The following ADGRV1 variants were observed in gnomAD, a reference collection of about 807,000 sequenced individuals.
ADGRV1 encodes the protein adhesion G protein-coupled receptor V1, also known as G-protein coupled receptor 98.
ADGRV1 carries 359 observed loss-of-function variants against 596.2 expected under a neutral mutation model. The observed-to-expected ratio is 0.60, with a 90% CI of 0.55 to 0.66. The LOEUF is 0.66. Among genes scored for constraint, ADGRV1 ranks in the 30% least tolerant of loss-of-function variants. The pLI is 0.00. For missense variants in ADGRV1, 7,274 were observed against 7,575.6 expected, an observed-to-expected ratio of 0.96 and a Z score of 1.48; for synonymous variants, 2,681 against 2,679.2, an observed-to-expected ratio of 1.00 and a Z score of -0.02.
chr5:91,059,519 G>T (rs1226653048), intron 85 of ADGRV1, among the ~76,000 whole-genome samples: 1 of 152,148 alleles, frequency 6.6e-6, no homozygotes, highest in East Asian at 1.9e-4. Context: ...GAGCTCTCTT[G>T]ACATCTGTCT....
chr5:90,745,516 G>A (rs770673464), intron 51 of ADGRV1, 75 bp from the exon 52 acceptor site: 1 of 982,446 alleles, frequency 1.0e-6, no homozygotes, highest in Non-Finnish European at 1.5e-6. Flanking sequence ...ATCAATTAAT[G>A]TAATGAGTAG....
chr5:90,850,596 A>C (rs931133868), intron 79 of ADGRV1: 1 of 152,126 alleles, frequency 6.6e-6, no homozygotes, highest in South Asian at 2.1e-4. Flanking sequence ...ACTATGTTCA[A>C]CTATTTTGTT....
chr5:90,901,682 CA>C (rs1406795488), intron 83 of ADGRV1, among the ~76,000 whole-genome samples: 1 of 152,044 alleles, frequency 6.6e-6, no homozygotes, highest in Non-Finnish European at 1.5e-5. Flanking sequence ...ATGACTGTGA[CA>C]TATGTATTTA....
intron 83 of ADGRV1, among the ~76,000 whole-genome samples, chr5:90,956,401 T>A (rs1429249407): frequency 6.6e-6 from 1 of 152,178 alleles, no homozygotes; most frequent in African/African-American, 2.4e-5. Context: ...ATTTTCTGAG[T>A]AACGACTCAG....
chr5:90,711,469 C>A, intron 41 of ADGRV1, 147 bp downstream of exon 41: 1 of 569,646 alleles, frequency 1.8e-6, no homozygotes, highest in Non-Finnish European at 2.9e-6. Context: ...CAGAAGATTT[C>A]CTCATGGTAA....
At chr5:90,732,361 T>C (rs140333788) in intron 50 of ADGRV1, among the ~76,000 whole-genome samples, 74 of 152,260 alleles carry the variant, frequency 4.9e-4, no homozygotes, top group African/African-American at 1.8e-3. Flanking sequence ...ATTGTTTATA[T>C]TTAAGATATA....
At chr5:90,671,369 C>T (rs1210059524) in intron 21 of ADGRV1, among the ~76,000 whole-genome samples, 1 of 152,222 alleles carries the variant, frequency 6.6e-6, no homozygotes, top group African/African-American at 2.4e-5. Flanking sequence ...AACTGAGGGC[C>T]CCACTGACCT....
At chr5:91,055,744 C>A (rs1219716927) in intron 85 of ADGRV1, among the ~76,000 whole-genome samples, 1 of 152,200 alleles carries the variant, frequency 6.6e-6, no homozygotes, top group Non-Finnish European at 1.5e-5. Context: ...CACACATAAT[C>A]CAACCCAGTG....
At chr5:90,947,699 G>A (rs767402056) in intron 83 of ADGRV1, among the ~76,000 whole-genome samples, 1 of 152,052 alleles carries the variant, frequency 6.6e-6, no homozygotes, top group Non-Finnish European at 1.5e-5. Context: ...GGTGAGGAAG[G>A]TCAGTACAGG....
chr5:90,996,468 A>C (rs559390278), intron 85 of ADGRV1, among the ~76,000 whole-genome samples: 1 of 152,210 alleles, frequency 6.6e-6, no homozygotes, highest in Non-Finnish European at 1.5e-5. Flanking sequence ...GGAGACTCCA[A>C]CTAGATTTCA....
At chr5:90,596,806 G>A (rs1226395936) in intron 1 of ADGRV1, among the ~76,000 whole-genome samples, 2 of 151,976 alleles carry the variant, frequency 1.3e-5, no homozygotes, top group African/African-American at 2.4e-5. Context: ...GAGACCATGG[G>A]GAGAGGGCGA....
intron 83 of ADGRV1, among the ~76,000 whole-genome samples, chr5:90,890,519 A>C (rs1413563984): frequency 6.6e-6 from 1 of 152,180 alleles, no homozygotes; most frequent in Non-Finnish European, 1.5e-5. Flanking sequence ...CTGTTAAATG[A>C]AGCATATTTC....
intron 1 of ADGRV1, among the ~76,000 whole-genome samples, chr5:90,563,225 GT>G (rs1455476900): frequency 6.6e-6 from 1 of 152,262 alleles, no homozygotes; most frequent in Admixed American, 6.5e-5. Context: ...TCTGTCTTCA[GT>G]TTTGCTGAAA....
intron 1 of ADGRV1, among the ~76,000 whole-genome samples, chr5:90,559,544 G>A (rs1754537565): frequency 6.6e-6 from 1 of 151,980 alleles, no homozygotes; most frequent in Non-Finnish European, 1.5e-5. Context: ...TTAAAATCAA[G>A]AAATTATAGC....
chr5:90,750,712 A>G lies in ADGRV1; in HGVS notation c.11121+15A>G, dbSNP rs372359544. On this transcript the variant is annotated intron_variant, in intron 53 of 89. Coordinates refer to ENST00000405460, the MANE Select transcript of ADGRV1 (RefSeq NM_032119.4). ...CCTCAGGAGTGGTATGTAATTTACAAAGTTATAGGAAACACTTTTAAATTA... is the reference window on the plus strand; with the variant it reads ...CCTCAGGAGTGGTATGTAATTTACAGAGTTATAGGAAACACTTTTAAATTA... 2 of 1,600,254 alleles carry G rather than the reference A, an allele frequency of 1.2e-6. No individual in the cohort carries two copies. The highest frequency in any genetic ancestry group is 1.7e-6 in the Non-Finnish European group (2 of 1,168,844).
chr5:91,127,473 G>A (rs185315767), intron 87 of ADGRV1, among the ~76,000 whole-genome samples: 1 of 150,896 alleles, frequency 6.6e-6, no homozygotes, highest in Admixed American at 6.6e-5. Flanking sequence ...AGTAATTCAA[G>A]GCTACAGTTA....
chr5:90,614,163 A>G lies in ADGRV1; in HGVS notation c.23-672A>G. On this transcript the variant is annotated intron_variant, in intron 1 of 89. Coordinates refer to ENST00000405460, the MANE Select transcript of ADGRV1 (RefSeq NM_032119.4). Reference sequence around the variant, plus strand: ...AACACACATATCATAGTGAAAAAAAAAAAAAAAAAGAAAGTTGTCATGGAA... The same window carrying G: ...AACACACATATCATAGTGAAAAAAAGAAAAAAAAAGAAAGTTGTCATGGAA... 8.1e-6 allele frequency: 3 copies of G among 370,838 alleles called. 1 individual carries two copies. The highest frequency in any genetic ancestry group is 4.4e-5 in the African/African-American group (2 of 45,534). 23.0% of individuals were successfully genotyped at this position (370,838 alleles called of 1,614,324 possible).
Position 90,690,986 on chromosome 5 carries a change from C to T in ADGRV1, c.6896C>T (p.Thr2299Ile). The T allele has an allele frequency of 1.2e-6, 2 of 1,613,778 alleles. No individual in the cohort carries two copies. The highest frequency in any genetic ancestry group is 8.5e-7 in the Non-Finnish European group (1 of 1,179,762). The change falls in exon 31 of 90, where the codon ACC (threonine) becomes ATC (isoleucine). Residue 2299 changes from threonine (T) to isoleucine (I), a missense_variant. By Grantham distance (89) the Thr-to-Ile change is moderately conservative (BLOSUM62 -1). Coordinates refer to ENST00000405460, the MANE Select transcript of ADGRV1 (RefSeq NM_032119.4). ...SGNVTFAPGE[T>I]IQTLLLEVLA... ...AATGTGACCTTTGCCCCTGGGGAAACCATTCAAACCTTGTTGTTAGAGGTC... is the reference window on the plus strand; with the variant it reads ...AATGTGACCTTTGCCCCTGGGGAAATCATTCAAACCTTGTTGTTAGAGGTC...
At chr5:91,104,042 C>T (rs897767036) in intron 87 of ADGRV1, among the ~76,000 whole-genome samples, 100 of 151,952 alleles carry the variant, frequency 6.6e-4, no homozygotes, top group African/African-American at 2.3e-3. Flanking sequence ...AAGGGGAAGC[C>T]ATCGAAGTTG....
Sources: gnomAD v4.1 joint callset for allele counts (sites outside exome capture counted in the v4.1 genomes callset) on GRCh38, gnomAD v4.1.1 for gene constraint, MANE v1.5 for transcripts, NCBI Gene and HGNC (gene_info 2026-07-23, HGNC 2026-07-21) for gene names.